The following CEP162 variants were observed in gnomAD, a reference collection of about 807,000 sequenced individuals.
CEP162 encodes centrosomal protein 162.
A neutral mutation model predicts 169.2 loss-of-function variants in CEP162; 141 were observed. The ratio of observed to expected loss-of-function variants is 0.83; its 90% confidence interval spans 0.73 to 0.96. The LOEUF is 0.96. CEP162 is among the 40% of genes least tolerant of loss of function. The pLI, the probability that CEP162 is intolerant of heterozygous loss-of-function variation, is 0.00. For synonymous variants in CEP162, 540 were observed against 526.4 expected, an observed-to-expected ratio of 1.03 and a Z score of -0.35; for missense variants, 1,600 against 1,587.2, an observed-to-expected ratio of 1.01 and a Z score of -0.14.
chr6:84,169,986 T>C (rs915897323), intron 17 of CEP162, among the ~76,000 whole-genome samples: 1 of 152,172 alleles, frequency 6.6e-6, no homozygotes, highest in Admixed American at 6.5e-5. Context: ...AATTTACAGC[T>C]TCAATTTTGG....
chr6:84,159,523 T>TTTTATATATATATATATA lies in CEP162; in HGVS notation c.2781+1288_2781+1289insTATATATATATATATAAA, dbSNP rs1244967462. On this transcript the variant is annotated intron_variant, in intron 21 of 26. Transcript: ENST00000403245. ...CTAGTTCTTTTTTAAAATTAATTAT[T>TTTTATATATATATATATA]TATATATATATATATATATATATAT... Among the ~76,000 whole-genome samples the TTTTATATATATATATATA allele has an allele frequency of 6.7e-4, 25 of 37,140 alleles. 1 individual carries two copies. Among genetic ancestry groups the TTTTATATATATATATATA allele is most frequent in the African/African-American group, 2.8e-3 (25 of 9,084 alleles). 24.4% of individuals were successfully genotyped at this position (37,140 alleles called of 152,430 possible).
intron 25 of CEP162, among the ~76,000 whole-genome samples, chr6:84,130,413 A>G (rs374974394): frequency 4.6e-5 from 7 of 151,996 alleles, no homozygotes; most frequent in African/African-American, 1.7e-4. Context: ...TATTGTGTGG[A>G]ATAGTTTCAG....
chr6:84,144,308 A>T (rs1438018473), intron 25 of CEP162, among the ~76,000 whole-genome samples: 2 of 152,044 alleles, frequency 1.3e-5, no homozygotes, highest in Non-Finnish European at 2.9e-5. Context: ...AATGTTCCAG[A>T]AGTTGTATAC....
intron 11 of CEP162, among the ~76,000 whole-genome samples, chr6:84,189,575 G>A (rs1037357905): frequency 3.9e-5 from 6 of 152,214 alleles, no homozygotes; most frequent in African/African-American, 9.6e-5. Context: ...CGCTGCGCTC[G>A]ATTTCTCGCC....
intron 7 of CEP162, 108 bp downstream of exon 7, chr6:84,203,873 T>G: frequency 2.0e-6 from 1 of 512,158 alleles, no homozygotes; most frequent in Non-Finnish European, 3.4e-6. Context: ...TTTACAACAA[T>G]AAGCAAGATT....
At chr6:84,185,141 A>G (rs2099536546) in intron 13 of CEP162, 46 bp downstream of exon 13, 9 of 1,476,918 alleles carry the variant, frequency 6.1e-6, no homozygotes, top group Non-Finnish European at 8.3e-6. Context: ...CTTCCATGGA[A>G]GCAAAGAAAG....
Position 84,194,903 on chromosome 6 carries a change from G to T in CEP162, c.1008C>A (p.Asn336Lys). The T allele has an allele frequency of 6.2e-7, 1 of 1,610,016 alleles. No homozygotes were observed. Among genetic ancestry groups the T allele is most frequent in the African/African-American group, 1.3e-5 (1 of 74,878 alleles). ...TTTTACCAGATTCCATAGTAGAGATGTTTTTTGAATTCTCTTCATTTTCTT... is the reference window on the plus strand; with the variant it reads ...TTTTACCAGATTCCATAGTAGAGATTTTTTTTGAATTCTCTTCATTTTCTT... ...HPQENEENSKNISTMESDLPT... is the reference protein window; with the variant it reads ...HPQENEENSKKISTMESDLPT... Residue 336 changes from asparagine (N) to lysine (K), a missense_variant, in exon 10 of 27, where the codon AAC becomes AAA. Asn to Lys is a moderately conservative substitution (Grantham distance 94). Transcript: ENST00000403245.
intron 11 of CEP162, among the ~76,000 whole-genome samples, 197 bp downstream of exon 11, chr6:84,193,412 T>A (rs946903701): frequency 6.6e-6 from 1 of 152,248 alleles, no homozygotes; most frequent in Non-Finnish European, 1.5e-5. Context: ...CCAGTTTTTT[T>A]ATAGCATCTA....
chr6:84,188,661 T>C (rs1407760070), intron 11 of CEP162, among the ~76,000 whole-genome samples: 1 of 152,184 alleles, frequency 6.6e-6, no homozygotes, highest in Non-Finnish European at 1.5e-5. Flanking sequence ...TGATTCCATG[T>C]CTTTGATCTT....
At chr6:84,181,579 A>C (rs2099534850) in intron 13 of CEP162, among the ~76,000 whole-genome samples, 1 of 152,182 alleles carries the variant, frequency 6.6e-6, no homozygotes, top group Non-Finnish European at 1.5e-5. Flanking sequence ...TATGAAATTT[A>C]AACATGAAAC....
At chr6:84,126,543 C>G (rs778412991) in intron 25 of CEP162, 31 bp from the exon 26 acceptor site, 132 of 1,422,060 alleles carry the variant, frequency 9.3e-5, no homozygotes, top group Non-Finnish European at 1.2e-4. Flanking sequence ...AAATGAAAAA[C>G]TATAATCACA....
Position 84,126,372 on chromosome 6 carries a change from C to T in CEP162, c.4005+6G>A. 6.3e-7 allele frequency: 1 copy of T among 1,578,382 alleles called. No homozygotes were observed. The highest frequency in any genetic ancestry group is 1.2e-5 in the South Asian group (1 of 83,090). ...TATATAAATATGTAAATGTGATTTA[C>T]TTTACCTGTTGAAGTTCCTGTTCTC... On this transcript the variant is annotated splice_donor_region_variant and intron_variant, in intron 26 of 26. Coordinates refer to ENST00000403245, the MANE Select transcript of CEP162 (RefSeq NM_014895.4).
At chr6:84,208,711 A>G (rs2099548287) in intron 6 of CEP162, among the ~76,000 whole-genome samples, 2 of 152,244 alleles carry the variant, frequency 1.3e-5, no homozygotes, top group Admixed American at 6.5e-5. Flanking sequence ...AACTATGTCA[A>G]TATTTGTATT....
At chr6:84,173,685 C>CT (rs2099531107) in intron 16 of CEP162, among the ~76,000 whole-genome samples, 3 of 132,700 alleles carry the variant, frequency 2.3e-5, no homozygotes, top group African/African-American at 1.2e-4. Flanking sequence ...TTTTAATATA[C>CT]CTTTTTTTTT....
intron 25 of CEP162, among the ~76,000 whole-genome samples, chr6:84,135,932 T>A (rs2099513887): frequency 6.6e-6 from 1 of 152,242 alleles, no homozygotes; most frequent in Admixed American, 6.5e-5. Context: ...TGTGCCTTCG[T>A]GCTTTGTAAC....
intron 3 of CEP162, chr6:84,219,282 G>A (rs1056322999): frequency 5.0e-6 from 3 of 600,322 alleles, no homozygotes; most frequent in East Asian, 7.2e-5. Context: ...TTATTCCCGT[G>A]GGCAGGGAAA....
chr6:84,203,366 T>C lies in CEP162; in HGVS notation c.687+615A>G, dbSNP rs558969834. ...GAAAAAGTATAAGTTAACATACTTG[T>C]TTAAAAATTAGTTTTGAAATTTTAA... On this transcript the variant is annotated intron_variant, in intron 7 of 26. Transcript: ENST00000403245. Among the ~76,000 whole-genome samples the C allele has an allele frequency of 2.0e-5, 3 of 152,382 alleles. No individual in the cohort carries two copies. In the East Asian group the frequency reaches 5.8e-4, roughly 29 times the overall value.
intron 21 of CEP162, 38 bp downstream of exon 21, chr6:84,160,774 A>T: frequency 7.8e-7 from 1 of 1,284,058 alleles, no homozygotes; most frequent in Non-Finnish European, 1.1e-6. Context: ...TGCACTATAT[A>T]TAAAATATGC....
At position 84,152,668 on chromosome 6, in the gene CEP162, A is replaced by G. The variant is rs754802254; in HGVS notation, c.3506T>C (p.Val1169Ala). ...YQPHTFTDSHVSEVLQENYRL... is the reference protein window; with the variant it reads ...YQPHTFTDSHASEVLQENYRL... ...GTAGTTTTCTTGTAAAACTTCTGAA[A>G]CATGGGAATCAGTGAAAGTATGTGG... Residue 1169 changes from valine to alanine, a missense_variant, in exon 23 of 27, where the codon GTT becomes GCT. Transcript: ENST00000403245. The G allele has an allele frequency of 8.7e-6, 14 of 1,611,480 alleles. No homozygotes were observed. The highest frequency in any genetic ancestry group is 1.2e-5 in the Non-Finnish European group (14 of 1,178,752).
Sources: gnomAD v4.1 joint callset for allele counts (sites outside exome capture counted in the v4.1 genomes callset) on GRCh38, gnomAD v4.1.1 for gene constraint, MANE v1.5 for transcripts, NCBI Gene and HGNC (gene_info 2026-07-23, HGNC 2026-07-21) for gene names.